The following C12orf42 variants were observed in gnomAD, a reference collection of about 807,000 sequenced individuals.
C12orf42 encodes chromosome 12 open reading frame 42.
C12orf42 carries 25 observed loss-of-function variants against 21.6 expected under a neutral mutation model. The observed-to-expected ratio is 1.16, with a 90% CI of 0.84 to 1.62. The LOEUF (loss-of-function observed/expected upper bound fraction) is 1.62, where lower values mean the gene tolerates loss of function less well. Among genes scored for constraint, C12orf42 ranks in the 40% most tolerant of loss-of-function variants. C12orf42 has a pLI of 0.00. For missense variants in C12orf42, 483 were observed against 459.3 expected (o/e 1.05, Z -0.47); for synonymous variants, 174 against 175.0 (o/e 0.99, Z 0.05).
the C12orf42 span, among the ~76,000 whole-genome samples, chr12:103,166,536 A>G: frequency 7.9e-5 from 12 of 152,310 alleles, no homozygotes; most frequent in South Asian, 1.9e-3. Flanking sequence ...TAGTCACATA[A>G]TAAATGGAGT....
At chr12:103,329,563 A>G (rs2041032693) in intron 4 of C12orf42, among the ~76,000 whole-genome samples, 1 of 152,088 alleles carries the variant, frequency 6.6e-6, no homozygotes, top group Non-Finnish European at 1.5e-5. Flanking sequence ...TTAAAATTAA[A>G]AAAAGAATTA....
chr12:103,547,091 T>A, the C12orf42 span, among the ~76,000 whole-genome samples: 1 of 152,214 alleles, frequency 6.6e-6, no homozygotes, highest in African/African-American at 2.4e-5. Context: ...ATTAAATAAA[T>A]GTATGTATGC....
chr12:103,322,798 TG>T (rs1208291648), intron 4 of C12orf42, among the ~76,000 whole-genome samples: 1 of 152,176 alleles, frequency 6.6e-6, no homozygotes, highest in Non-Finnish European at 1.5e-5. Flanking sequence ...CTTAAAAAAA[TG>T]GGATGCTTAT....
At chr12:103,439,835 T>TG (rs1163536753) in intron 2 of C12orf42, among the ~76,000 whole-genome samples, 1 of 150,132 alleles carries the variant, frequency 6.7e-6, no homozygotes, top group East Asian at 2.0e-4. Flanking sequence ...TCAACCATTG[T>TG]GGAAGTCAGT....
At chr12:103,059,504 A>G in the C12orf42 span, among the ~76,000 whole-genome samples, 1 of 152,116 alleles carries the variant, frequency 6.6e-6, no homozygotes, top group Non-Finnish European at 1.5e-5. Context: ...TGATACCAAA[A>G]CCTGGCAGGC....
intron 1 of C12orf42, among the ~76,000 whole-genome samples, chr12:103,484,147 C>T (rs1415239214): frequency 1.3e-5 from 2 of 152,174 alleles, no homozygotes; most frequent in East Asian, 1.9e-4. Context: ...TTTATAGTAG[C>T]ATGATTTATA....
downstream of C12orf42, among the ~76,000 whole-genome samples, chr12:103,234,629 A>G (rs1405090730): frequency 6.6e-6 from 1 of 152,146 alleles, no homozygotes; most frequent in Admixed American, 6.6e-5. Context: ...TCCAAAAATC[A>G]CTAATACATT....
At chr12:103,129,561 G>A in the C12orf42 span, among the ~76,000 whole-genome samples, 1 of 152,146 alleles carries the variant, frequency 6.6e-6, no homozygotes, top group African/African-American at 2.4e-5. Context: ...TACATGTCAA[G>A]CTCATCTGAA....
At position 103,401,678 on chromosome 12, in the gene C12orf42, G is replaced by A. The variant is rs1262416909; in HGVS notation, c.79-3C>T. 6.2e-7 allele frequency: 1 copy of A among 1,611,476 alleles called. No homozygotes were observed. Among genetic ancestry groups the A allele is most frequent in the African/African-American group, 1.3e-5 (1 of 74,852 alleles). On this transcript the variant is annotated splice_region_variant and splice_polypyrimidine_tract_variant and intron_variant, in intron 2 of 5. Coordinates refer to ENST00000548883, the MANE Select transcript of C12orf42 (RefSeq NM_198521.5). ...ATGGGAATATAGCAAGGGGATTTCTGAAACATTAGAAACAAGGCATTTAGT... is the reference window on the plus strand; with the variant it reads ...ATGGGAATATAGCAAGGGGATTTCTAAAACATTAGAAACAAGGCATTTAGT...
the C12orf42 span, among the ~76,000 whole-genome samples, chr12:103,088,974 C>G: frequency 1.3e-5 from 2 of 151,876 alleles, no homozygotes; most frequent in African/African-American, 4.8e-5. Flanking sequence ...GTGGTGGTGG[C>G]GCCTGTAGTC....
At chr12:103,300,907 A>G (rs76813888), downstream of C12orf42, among the ~76,000 whole-genome samples, 3,593 of 152,286 alleles carry the variant, frequency 0.024, 125 homozygotes, top group African/African-American at 0.08. Context: ...AAATAAAAGC[A>G]TATTTATTAT....
At chr12:103,469,569 A>G (rs1232045810) in intron 2 of C12orf42, among the ~76,000 whole-genome samples, 1 of 152,244 alleles carries the variant, frequency 6.6e-6, no homozygotes, top group Admixed American at 6.5e-5. Context: ...TGTTTCCATT[A>G]TTAGACAATA....
the C12orf42 span, among the ~76,000 whole-genome samples, chr12:103,539,579 ATTTT>A: frequency 4.1e-5 from 6 of 146,118 alleles, no homozygotes; most frequent in South Asian, 1.1e-3. Flanking sequence ...TGTAAGTTTA[ATTTT>A]TTTTTTTTTC....
chr12:103,334,428 C>T (rs573019334), intron 4 of C12orf42, among the ~76,000 whole-genome samples: 4 of 152,284 alleles, frequency 2.6e-5, no homozygotes, highest in African/African-American at 4.8e-5. Context: ...AGACCAGACC[C>T]TACCCAAAAC....
intron 4 of C12orf42, among the ~76,000 whole-genome samples, chr12:103,326,392 T>C (rs2040706593): frequency 6.6e-6 from 1 of 152,208 alleles, no homozygotes; most frequent in Non-Finnish European, 1.5e-5. Flanking sequence ...GGGGGATCCT[T>C]TTAAAAGCTA....
chr12:103,282,441 C>G (rs922893663), intron 4 of C12orf42, among the ~76,000 whole-genome samples: 1 of 152,284 alleles, frequency 6.6e-6, no homozygotes, highest in African/African-American at 2.4e-5. Flanking sequence ...AGATACAATA[C>G]TTACCGTTGT....
At chr12:103,105,071 T>G in the C12orf42 span, among the ~76,000 whole-genome samples, 5 of 152,202 alleles carry the variant, frequency 3.3e-5, no homozygotes, top group East Asian at 9.6e-4. Flanking sequence ...AGGATTTGTC[T>G]TATACAGAAA....
At chr12:103,547,041 T>C in the C12orf42 span, among the ~76,000 whole-genome samples, 1 of 152,214 alleles carries the variant, frequency 6.6e-6, no homozygotes, top group Non-Finnish European at 1.5e-5. Context: ...CTTTGGGTCT[T>C]CATTTCCTTA....
At chr12:103,176,987 C>A in the C12orf42 span, among the ~76,000 whole-genome samples, 1 of 152,116 alleles carries the variant, frequency 6.6e-6, no homozygotes, top group Admixed American at 6.5e-5. Flanking sequence ...TCTCCTCAAA[C>A]TTTCTGTGAC....
Sources: gnomAD v4.1 joint callset for allele counts (sites outside exome capture counted in the v4.1 genomes callset) on GRCh38, gnomAD v4.1.1 for gene constraint, MANE v1.5 for transcripts, NCBI Gene and HGNC (gene_info 2026-07-23, HGNC 2026-07-21) for gene names.